The following PZP variants were observed in gnomAD, a reference collection of about 807,000 sequenced individuals.
PZP encodes pregnancy zone protein.
In PZP, 150 loss-of-function variants were observed where a neutral mutation model predicts 179.8. The ratio of observed to expected loss-of-function variants is 0.83; its 90% CI spans 0.73 to 0.96. The LOEUF (loss-of-function observed/expected upper bound fraction) is 0.96, where lower values mean the gene tolerates loss of function less well. PZP is among the 40% of genes least tolerant of loss of function. PZP has a pLI of 0.00. For synonymous variants in PZP, 624 were observed against 652.3 expected (o/e 0.96, Z 0.66); for missense variants, 1,689 against 1,764.0 (o/e 0.96, Z 0.76).
chr12:9,195,120 T>C (rs1943692169), intron 10 of PZP, among the ~76,000 whole-genome samples: 1 of 152,144 alleles, frequency 6.6e-6, no homozygotes, highest in East Asian at 1.9e-4. Context: ...AAAGGACAAA[T>C]ATTTAAGGTG....
intron 13 of PZP, among the ~76,000 whole-genome samples, chr12:9,189,347 C>T (rs1943320082): frequency 3.3e-5 from 5 of 152,156 alleles, no homozygotes; most frequent in Admixed American, 3.3e-4. Flanking sequence ...TAATGCTGCA[C>T]ACCCACAACC....
Position 9,168,869 on chromosome 12 carries a change from C to A in PZP, c.2107G>T (p.Ala703Ser). The A allele has an allele frequency of 6.2e-7, 1 of 1,606,764 alleles. No individual in the cohort carries two copies. The highest frequency in any genetic ancestry group is 8.5e-7 in the Non-Finnish European group (1 of 1,174,756). Reference protein sequence around the residue: ...AGAVGQGYYGAGLGVVERPYV... With the variant: ...AGAVGQGYYGSGLGVVERPYV... ...AATTAAAAGCAAATTGCTGTTTTAC[C>A]TCCATAGTATCCTTGACCTACTGCT... is the stretch of plus-strand genomic sequence containing the variant. Residue 703 changes from alanine (A) to serine (S), a missense_variant and splice_region_variant, in exon 17 of 36, where the codon GCA (alanine) becomes TCA (serine). By Grantham distance (99) the Ala-to-Ser change is moderately conservative. Around this residue, in one of 3 missense-constraint regions of PZP, gnomAD observed 201 missense variants for 284.2 expected, o/e 0.71. Transcript: ENST00000261336.
intron 34 of PZP, among the ~76,000 whole-genome samples, 169 bp from the exon 35 acceptor site, chr12:9,149,771 T>C (rs1940212504): frequency 6.6e-6 from 1 of 152,252 alleles, no homozygotes; most frequent in Non-Finnish European, 1.5e-5. Context: ...ATTTATATTC[T>C]CTTTCCCTGA....
rs1592541932 is a variant in PZP at position 9,192,758 on chromosome 12, A to C, written c.1255-19T>G. 1 of 1,525,106 alleles carries C rather than the reference A, an allele frequency of 6.6e-7. No individual in the cohort carries two copies. The allele number at this position is 1,525,106 out of a possible 1,614,324, so 94.5% of individuals were successfully genotyped here. A position where few individuals can be genotyped will look rare whatever the true frequency, so the allele number is the denominator to read the frequency against. On this transcript the variant is annotated intron_variant, in intron 11 of 35. Transcript: ENST00000261336. The stretch of plus-strand genomic sequence containing the variant: ...TGAAAACCTGAGTAAACAGAAAAGC[A>C]AAGAAAGAATACTGTCTTGAAATTC...
intron 1 of PZP, 72 bp from the exon 2 acceptor site, chr12:9,204,023 CATAACA>C (rs1246929651): frequency 2.2e-6 from 3 of 1,381,678 alleles, no homozygotes; most frequent in Admixed American, 4.2e-5. Context: ...AATGTGTTTT[CATAACA>C]ATATGTATTA....
chr12:9,187,943 C>G (rs769679378), intron 13 of PZP, among the ~76,000 whole-genome samples: 2 of 152,326 alleles, frequency 1.3e-5, no homozygotes, highest in Middle Eastern at 3.4e-3. Context: ...GCCTGAAAAC[C>G]CTGATGGGGG....
At chr12:9,206,389 A>G (rs1944442032) in intron 1 of PZP, among the ~76,000 whole-genome samples, 3 of 152,132 alleles carry the variant, frequency 2.0e-5, no homozygotes, top group African/African-American at 7.2e-5. Context: ...TTTTTTTAAC[A>G]GATATTGAAA....
intron 26 of PZP, among the ~76,000 whole-genome samples, 188 bp downstream of exon 26, chr12:9,158,232 C>T (rs754754880): frequency 1.3e-5 from 2 of 152,176 alleles, no homozygotes; most frequent in Non-Finnish European, 2.9e-5. Context: ...TGTGATTCTA[C>T]GTGTGATCCA....
chr12:9,139,539 A>G, the PZP span, among the ~76,000 whole-genome samples: 1 of 152,094 alleles, frequency 6.6e-6, no homozygotes, highest in African/African-American at 2.4e-5. Flanking sequence ...GAAGTTTCCT[A>G]CTATTATTTT....
At chr12:9,180,020 G>A (rs991022498) in intron 15 of PZP, among the ~76,000 whole-genome samples, 4 of 152,138 alleles carry the variant, frequency 2.6e-5, no homozygotes, top group African/African-American at 9.7e-5. Context: ...CCGGAATGTT[G>A]GGCAGATTAA....
downstream of PZP, among the ~76,000 whole-genome samples, chr12:9,146,269 A>C (rs1251298829): frequency 6.6e-6 from 1 of 151,674 alleles, no homozygotes; most frequent in Non-Finnish European, 1.5e-5. Flanking sequence ...TGGTGTTCAA[A>C]TTAACTGATC....
intron 28 of PZP, among the ~76,000 whole-genome samples, chr12:9,155,678 T>G (rs1940700645): frequency 6.6e-6 from 1 of 152,168 alleles, no homozygotes; most frequent in Non-Finnish European, 1.5e-5. Context: ...TCAAATGAGT[T>G]TGAATGCATT....
At chr12:9,181,249 A>T in intron 14 of PZP, 117 bp from the exon 15 acceptor site, 2 of 1,293,846 alleles carry the variant, frequency 1.5e-6, no homozygotes, top group Non-Finnish European at 2.1e-6. Flanking sequence ...TGGTAATGTC[A>T]GTCAGAAACC....
intron 31 of PZP, 67 bp downstream of exon 31, chr12:9,152,757 T>G: frequency 6.6e-7 from 1 of 1,510,342 alleles, no homozygotes; most frequent in Non-Finnish European, 9.0e-7. Flanking sequence ...CCAAATGGAC[T>G]ATTAATTTCT....
At chr12:9,191,698 G>T (rs186563186) in intron 13 of PZP, among the ~76,000 whole-genome samples, 1 of 151,928 alleles carries the variant, frequency 6.6e-6, no homozygotes, top group Non-Finnish European at 1.5e-5. Context: ...TAGATTATTT[G>T]ACTTAGAATA....
rs768902912 is a variant in PZP at position 9,205,223 on chromosome 12, A to G, written c.84-1272T>C. Among the ~76,000 whole-genome samples the G allele has an allele frequency of 1.1e-4, 17 of 152,258 alleles. No individual in the cohort carries two copies. The South Asian group carries it at 3.3e-3, about 30-fold the overall frequency. On this transcript the variant is annotated intron_variant, in intron 1 of 35. Coordinates refer to ENST00000261336, the MANE Select transcript of PZP (RefSeq NM_002864.3). ...ACAGGCAATTTTTTGTGTAAGCCTCACATTCTGGCCTTAGCTTTATTGATG... is the reference window on the plus strand; with the variant it reads ...ACAGGCAATTTTTTGTGTAAGCCTCGCATTCTGGCCTTAGCTTTATTGATG...
At chr12:9,172,371 C>G (rs1376581189) in intron 15 of PZP, among the ~76,000 whole-genome samples, 1 of 152,172 alleles carries the variant, frequency 6.6e-6, no homozygotes, top group African/African-American at 2.4e-5. Context: ...AAGACCATTA[C>G]CAGCCACTAC....
chr12:9,144,636 C>T (rs1939909775), downstream of PZP, among the ~76,000 whole-genome samples: 1 of 152,196 alleles, frequency 6.6e-6, no homozygotes, highest in Admixed American at 6.5e-5. Flanking sequence ...GGACCACTCT[C>T]TCTTACAGAC....
At chr12:9,169,012 G>A in intron 16 of PZP, 38 bp from the exon 17 acceptor site, 1 of 1,415,590 alleles carries the variant, frequency 7.1e-7, no homozygotes, top group Non-Finnish European at 1.0e-6. Flanking sequence ...TTGTAAGCTT[G>A]ATTAGAATAT....
Sources: allele counts gnomAD v4.1 joint callset (sites outside exome capture counted in the v4.1 genomes callset), GRCh38; gene constraint gnomAD v4.1.1; regional missense constraint gnomAD v4.1.1; transcripts MANE v1.5; gene names NCBI Gene and HGNC (gene_info 2026-07-23, HGNC 2026-07-21).